The following MTCL1 variants were observed in gnomAD, a reference collection of about 807,000 sequenced individuals.
MTCL1 encodes the protein microtubule crosslinking factor 1, also known as microtubule cross-linking factor 1.
In MTCL1, 79 loss-of-function variants were observed where a neutral mutation model predicts 141.4. The ratio of observed to expected loss-of-function variants is 0.56; its 90% CI spans 0.47 to 0.67. MTCL1 has a LOEUF of 0.67. Among genes scored for constraint, MTCL1 ranks in the 30% least tolerant of loss-of-function variants. The pLI, the probability that MTCL1 is intolerant of heterozygous loss-of-function variation, is 0.00. For synonymous variants in MTCL1, 914 were observed against 875.8 expected (o/e 1.04, Z -0.77); for missense variants, 2,177 against 2,113.9 (o/e 1.03, Z -0.59).
intron 13 of MTCL1, 88 bp from the exon 13 acceptor site, chr18:8,821,379 T>G: frequency 1.2e-6 from 1 of 819,792 alleles, no homozygotes. Context: ...TTCCTGGGGG[T>G]GCAGAGCAAA....
chr18:8,828,877 TTTC>T lies in MTCL1; in HGVS notation c.4723-28_4723-26del, dbSNP rs759544044. 1.4e-5 allele frequency: 23 copies of T among 1,600,584 alleles called. No homozygotes were observed. In the Admixed American group the frequency reaches 3.0e-4, roughly 21 times the overall value. On this transcript the variant is annotated intron_variant, in intron 15 of 16. Transcript: ENST00000359865. This position sits in a 1 kb window ranked among gnomAD's most constrained non-coding sequence, Gnocchi z 5.2. Reference sequence around the variant, plus strand: ...AAAAACACTTTCCAACCTTCTTGCTTTTCTTTTCTTTCTCTGTCTGTTCTGTCC... The same window carrying T: ...AAAAACACTTTCCAACCTTCTTGCTTTTTTCTTTCTCTGTCTGTTCTGTCC...
chr18:8,793,174 A>G, intron 8 of MTCL1, 54 bp downstream of exon 7: 3 of 1,601,830 alleles, frequency 1.9e-6, no homozygotes, highest in Middle Eastern at 1.7e-4. Context: ...CAGAGCCCCA[A>G]AGGAGAAATG....
At chr18:8,761,063 C>A (rs573076789) in intron 4 of MTCL1, among the ~76,000 whole-genome samples, 2 of 152,288 alleles carry the variant, frequency 1.3e-5, no homozygotes, top group Admixed American at 1.3e-4. Flanking sequence ...GCTTTGGTCA[C>A]TGTTTAAAGG....
intron 4 of MTCL1, among the ~76,000 whole-genome samples, chr18:8,732,722 G>A (rs2096256748): frequency 6.6e-6 from 1 of 152,170 alleles, no homozygotes; most frequent in Admixed American, 6.5e-5. Flanking sequence ...TCTGACCTGA[G>A]AATAAGCCCC....
chr18:8,721,603 C>T (rs755891101), intron 4 of MTCL1, among the ~76,000 whole-genome samples: 5 of 152,156 alleles, frequency 3.3e-5, no homozygotes, highest in Admixed American at 6.5e-5. Flanking sequence ...ATTCCCTTAT[C>T]TCTTTCGGGT....
intron 4 of MTCL1, among the ~76,000 whole-genome samples, chr18:8,736,128 C>T (rs914756998): frequency 6.6e-6 from 1 of 152,114 alleles, no homozygotes; most frequent in Non-Finnish European, 1.5e-5. Flanking sequence ...TCGTATTTCA[C>T]CTGCTCTGCC....
At chr18:8,826,868 T>G (rs11875858) in intron 15 of MTCL1, among the ~76,000 whole-genome samples, 3,874 of 152,336 alleles carry the variant, frequency 0.025, 179 homozygotes, top group African/African-American at 0.085. Context: ...GCCCTTGATA[T>G]TACTCACAAA....
chr18:8,827,287 C>T (rs574144801), intron 15 of MTCL1, among the ~76,000 whole-genome samples: 1 of 152,240 alleles, frequency 6.6e-6, no homozygotes, highest in South Asian at 2.1e-4. Context: ...TTGCCTGTTT[C>T]ACCTGGCCCA....
chr18:8,726,908 G>A lies in MTCL1; in HGVS notation c.357+6412G>A, dbSNP rs567868974. On this transcript the variant is annotated intron_variant, in intron 4 of 16. Coordinates refer to ENST00000359865, the Ensembl canonical transcript of MTCL1. Reference sequence around the variant, plus strand: ...TGCACCCACCACCCGAACGGTGACTGTACTCAGTAGATAATTTGTTTAAAC... The same window carrying A: ...TGCACCCACCACCCGAACGGTGACTATACTCAGTAGATAATTTGTTTAAAC... Among the ~76,000 whole-genome samples the A allele has an allele frequency of 2.6e-5, 4 of 152,276 alleles. No individual in the cohort carries two copies. The East Asian group carries it at 5.8e-4, about 22-fold the overall frequency.
At chr18:8,728,141 T>G (rs548680379) in intron 4 of MTCL1, among the ~76,000 whole-genome samples, 4 of 151,984 alleles carry the variant, frequency 2.6e-5, no homozygotes, top group Non-Finnish European at 4.4e-5. Flanking sequence ...AGTTTCATCT[T>G]TTTAAAATGA....
At chr18:8,793,061 G>C in exon 8 of MTCL1, 1 of 1,614,168 alleles carries the variant, frequency 6.2e-7, no homozygotes, top group Non-Finnish European at 8.5e-7. Context: ...GGGTCAGCTC[G>C]TGCAGGCGGC....
intron 4 of MTCL1, among the ~76,000 whole-genome samples, chr18:8,722,562 A>G (rs2096180431): frequency 6.6e-6 from 1 of 152,194 alleles, no homozygotes; most frequent in Non-Finnish European, 1.5e-5. Flanking sequence ...AAAGCTAGAG[A>G]AAATAAAATG....
chr18:8,744,390 T>C (rs1370632767), intron 4 of MTCL1, among the ~76,000 whole-genome samples: 1 of 152,244 alleles, frequency 6.6e-6, no homozygotes, highest in African/African-American at 2.4e-5. Context: ...TTTTCAATTT[T>C]TGTAGCTTCT....
chr18:8,794,350 A>C (rs2143826275), intron 8 of MTCL1, among the ~76,000 whole-genome samples: 1 of 152,320 alleles, frequency 6.6e-6, no homozygotes, highest in East Asian at 1.9e-4. Flanking sequence ...AGGGAAGGGA[A>C]AGTGTCCCCC....
At chr18:8,809,783 T>A in intron 11 of MTCL1, 1 of 640,808 alleles carries the variant, frequency 1.6e-6, no homozygotes, top group Non-Finnish European at 2.6e-6. Flanking sequence ...CCAGTTGGGA[T>A]GGAAAGGGGA....
chr18:8,708,936 C>T (rs1043583799), intron 1 of MTCL1, among the ~76,000 whole-genome samples: 14 of 152,278 alleles, frequency 9.2e-5, no homozygotes, highest in African/African-American at 1.9e-4. Context: ...CAGATGATTG[C>T]GTGTATGCAT....
chr18:8,777,933 G>A, intron 5 of MTCL1, 41 bp downstream of exon 4: 2 of 1,569,512 alleles, frequency 1.3e-6, no homozygotes, highest in East Asian at 2.2e-5. Flanking sequence ...TCTCCTATAA[G>A]TGAAGTCAAC....
chr18:8,711,086 G>A (rs1218607127), intron 1 of MTCL1, among the ~76,000 whole-genome samples: 6 of 151,410 alleles, frequency 4.0e-5, no homozygotes, highest in African/African-American at 1.5e-4. Flanking sequence ...TCCCCTTCCT[G>A]TGTCCATGTG....
Position 8,818,829 on chromosome 18 carries a change from T to A in MTCL1, c.2860-134T>A, listed in dbSNP as rs543732267. ...CATTTTGAAATTAAGATCAGAACTT[T>A]AAGAACATTTGCTTCTCACAATATT... On this transcript the variant is annotated intron_variant, in intron 12 of 16. Coordinates refer to ENST00000359865, the Ensembl canonical transcript of MTCL1. 7.6e-6 allele frequency: 7 copies of A among 921,512 alleles called. No individual in the cohort carries two copies. In the East Asian group the frequency reaches 1.7e-4, roughly 22 times the overall value. The allele number at this position is 921,512 out of a possible 1,614,324, so 57.1% of individuals were successfully genotyped here. A position where few individuals can be genotyped will look rare whatever the true frequency, so the allele number is the denominator to read the frequency against.
Sources: gnomAD v4.1 joint callset for allele counts (sites outside exome capture counted in the v4.1 genomes callset) on GRCh38, gnomAD v4.1.1 for gene constraint, Gnocchi (gnomAD v3.1) non-coding constraint, MANE v1.5 for transcripts, NCBI Gene and HGNC (gene_info 2026-07-23, HGNC 2026-07-21) for gene names.